The following UCK2 variants were observed in gnomAD, a reference collection of about 807,000 sequenced individuals.
The protein encoded by UCK2 is cytidine monophosphokinase 2.
UCK2 carries 6 observed loss-of-function variants against 30.8 expected under a neutral mutation model. The observed-to-expected ratio is 0.19, with a 90% CI of 0.11 to 0.38. UCK2 has a LOEUF of 0.38. Among genes scored for constraint, UCK2 ranks in the 10% least tolerant of loss-of-function variants. The pLI is 1.00. For synonymous variants in UCK2, 125 were observed against 133.6 expected, an observed-to-expected ratio of 0.94 and a Z score of 0.45; for missense variants, 210 against 339.8, an observed-to-expected ratio of 0.62 and a Z score of 3.00.
At chr1:165,841,711 C>T (rs1654335677) in intron 1 of UCK2, among the ~76,000 whole-genome samples, 1 of 152,184 alleles carries the variant, frequency 6.6e-6, no homozygotes, top group Non-Finnish European at 1.5e-5. Flanking sequence ...TCTGACTCAT[C>T]TGTGCTAACC....
chr1:165,830,550 C>G (rs922669634), intron 1 of UCK2, among the ~76,000 whole-genome samples: 5 of 151,676 alleles, frequency 3.3e-5, no homozygotes, highest in Non-Finnish European at 4.4e-5. Context: ...TGGTCTCAAT[C>G]TCCTGACCTT....
chr1:165,868,175 T>C (rs1001527707), intron 1 of UCK2, among the ~76,000 whole-genome samples: 1 of 152,200 alleles, frequency 6.6e-6, no homozygotes, highest in Non-Finnish European at 1.5e-5. Flanking sequence ...ATTCAAATAT[T>C]CAGTAAATCA....
In UCK2 at chr1:165,910,910, T is replaced by C. The variant is rs982752964; in HGVS notation, c.*3087T>C. The C allele has an allele frequency of 2.0e-5, 3 of 152,334 alleles. No homozygotes were observed. The highest frequency in any genetic ancestry group is 2.9e-5 in the Non-Finnish European group (2 of 68,148). The allele number at this position is 152,334 out of a possible 1,614,324, so 9.4% of individuals were successfully genotyped here. On this transcript the variant is annotated 3_prime_UTR_variant, in exon 7 of 7. Transcript: ENST00000367879. Reference sequence around the variant, plus strand: ...CCAGGATAGGTTGCCAGAGTTTCATTAGGCCGCTGGGTCGGGCTGGAGGCT... The same window carrying C: ...CCAGGATAGGTTGCCAGAGTTTCATCAGGCCGCTGGGTCGGGCTGGAGGCT...
chr1:165,859,291 C>T (rs1654828626), intron 1 of UCK2, among the ~76,000 whole-genome samples: 3 of 152,002 alleles, frequency 2.0e-5, no homozygotes, highest in Non-Finnish European at 4.4e-5. Context: ...AGAGGAGGAC[C>T]CCCTTCCTGC....
chr1:165,869,220 A>G (rs1365516408), intron 1 of UCK2, among the ~76,000 whole-genome samples: 1 of 152,208 alleles, frequency 6.6e-6, no homozygotes, highest in East Asian at 1.9e-4. Context: ...ATAATAAAAT[A>G]ATGAAAATGT....
At chr1:165,877,196 A>C (rs574667930) in intron 1 of UCK2, among the ~76,000 whole-genome samples, 1 of 152,324 alleles carries the variant, frequency 6.6e-6, no homozygotes. Context: ...AGAATTTTGA[A>C]AAGTGAGAAG....
At chr1:165,841,907 C>T (rs1203887112) in intron 1 of UCK2, among the ~76,000 whole-genome samples, 1 of 152,194 alleles carries the variant, frequency 6.6e-6, no homozygotes, top group Non-Finnish European at 1.5e-5. Flanking sequence ...ACAGGGAGGG[C>T]TTCAGTCTGA....
At chr1:165,831,818 TG>T (rs1654056720) in intron 1 of UCK2, among the ~76,000 whole-genome samples, 1 of 152,216 alleles carries the variant, frequency 6.6e-6, no homozygotes, top group Non-Finnish European at 1.5e-5. Context: ...CAGGCTGGAA[TG>T]CAGTGGTGCC....
intron 1 of UCK2, among the ~76,000 whole-genome samples, chr1:165,846,124 T>G (rs1654442387): frequency 6.6e-6 from 1 of 152,090 alleles, no homozygotes; most frequent in Non-Finnish European, 1.5e-5. Flanking sequence ...AGATCTTGTC[T>G]CTACAGAAAA....
rs145531490 is a variant in UCK2, at chr1:165,830,756, G to A, written c.99+2824G>A. Reference sequence around the variant, plus strand: ...TTTGTTATTAAAAAAGTCCAAGACTGGGCCTGGTGGCTCACACCTGTAATC... The same window carrying A: ...TTTGTTATTAAAAAAGTCCAAGACTAGGCCTGGTGGCTCACACCTGTAATC... On this transcript the variant is annotated intron_variant, in intron 1 of 6. Transcript: ENST00000367879. Among the ~76,000 whole-genome samples, 1,490 of 152,260 alleles carry A rather than the reference G, an allele frequency of 9.8e-3. 17 individuals carry two copies. The highest frequency in any genetic ancestry group is 0.033 in the African/African-American group (1,386 of 41,542).
chr1:165,856,436 TC>T (rs1157786667), intron 1 of UCK2, among the ~76,000 whole-genome samples: 1 of 119,642 alleles, frequency 8.4e-6, no homozygotes, highest in African/African-American at 3.1e-5. Context: ...TAAAATTTCC[TC>T]CCCCCACCCC....
Position 165,827,805 on chromosome 1 carries a change from A to G in UCK2, c.-29A>G, listed in dbSNP as rs1381736693. 20 of 1,379,744 alleles carry G rather than the reference A, an allele frequency of 1.4e-5. No individual in the cohort carries two copies. The highest frequency in any genetic ancestry group is 1.9e-5 in the Non-Finnish European group (20 of 1,055,838). 85.5% of individuals were successfully genotyped at this position (1,379,744 alleles called of 1,614,324 possible). Reference sequence around the variant, plus strand: ...GCGGGGAGCGTGCGTCCGTTCGCACAGGCAGCGGGAGGAGGGGCGGCGCGA... The same window carrying G: ...GCGGGGAGCGTGCGTCCGTTCGCACGGGCAGCGGGAGGAGGGGCGGCGCGA... On this transcript the variant is annotated 5_prime_UTR_variant, in exon 1 of 7. Coordinates refer to ENST00000367879, the MANE Select transcript of UCK2 (RefSeq NM_012474.5).
chr1:165,846,647 A>G (rs1490277741), intron 1 of UCK2, among the ~76,000 whole-genome samples: 1 of 152,202 alleles, frequency 6.6e-6, no homozygotes, highest in African/African-American at 2.4e-5. Flanking sequence ...TTCACATTTC[A>G]CTGGGGAGAG....
Position 165,846,527 on chromosome 1 carries a change from C to T in UCK2, c.99+18595C>T, listed in dbSNP as rs1654453528. The stretch of plus-strand genomic sequence containing the variant: ...TCTGTTTCTCTCTGGTGGTAGCAGA[C>T]AGTTTACCTGTAGGTCAAGAGTTTT... On this transcript the variant is annotated intron_variant, in intron 1 of 6. Transcript: ENST00000367879. Among the ~76,000 whole-genome samples, 7 of 152,184 alleles carry T rather than the reference C, an allele frequency of 4.6e-5. 1 individual carries two copies. The highest frequency in any genetic ancestry group is 3.4e-3 in the Middle Eastern group (1 of 294).
chr1:165,906,016 G>T, intron 6 of UCK2, 47 bp downstream of exon 6: 1 of 1,583,242 alleles, frequency 6.3e-7, no homozygotes, highest in South Asian at 1.1e-5. Context: ...TCTGCCCTTT[G>T]TCAGTCATAA....
Position 165,890,323 on chromosome 1 carries a change from G to T in UCK2, c.219G>T (p.Lys73Asn). Residue 73 changes from lysine to asparagine, a missense_variant, in exon 2 of 7, where the codon AAG (lysine) becomes AAT (asparagine). Physicochemically the swap from Lys to Asn is moderately conservative, Grantham distance 94. Coordinates refer to ENST00000367879, the MANE Select transcript of UCK2 (RefSeq NM_012474.5). ...ACCGTGTCCTTACCTCGGAGCAGAA[G>T]GCCAAAGCCCTGAAGGGCCAGTTCA... is the stretch of plus-strand genomic sequence containing the variant. ...SFYRVLTSEQKAKALKGQFNF... is the reference protein window; with the variant it reads ...SFYRVLTSEQNAKALKGQFNF... The T allele has an allele frequency of 6.2e-7, 1 of 1,614,064 alleles. No individual in the cohort carries two copies. The highest frequency in any genetic ancestry group is 1.3e-5 in the African/African-American group (1 of 74,980).
intron 1 of UCK2, among the ~76,000 whole-genome samples, chr1:165,844,971 T>G (rs1557833895): frequency 6.6e-6 from 1 of 152,156 alleles, no homozygotes; most frequent in Non-Finnish European, 1.5e-5. Context: ...TAAACATAAG[T>G]AAGTGTTTCT....
At chr1:165,867,383 T>C (rs1014863670) in intron 1 of UCK2, among the ~76,000 whole-genome samples, 2 of 152,236 alleles carry the variant, frequency 1.3e-5, no homozygotes, top group Non-Finnish European at 2.9e-5. Context: ...TGATGCTGTT[T>C]GATGGCATTT....
intron 4 of UCK2, chr1:165,900,231 A>C (rs1012536580): frequency 6.6e-6 from 1 of 152,186 alleles, no homozygotes; most frequent in Non-Finnish European, 1.5e-5. Flanking sequence ...TGCCCTCCCA[A>C]CGCGTCCTCA....
Sources: allele counts gnomAD v4.1 joint callset (sites outside exome capture counted in the v4.1 genomes callset), GRCh38; gene constraint gnomAD v4.1.1; transcripts MANE v1.5; gene names NCBI Gene and HGNC (gene_info 2026-07-23, HGNC 2026-07-21).